Variants in BMP8B observed in about 807,000 individuals in gnomAD.
BMP8B encodes bone morphogenetic protein 8 (osteogenic protein 2).
Under a neutral mutation model 30.3 loss-of-function variants are expected in BMP8B, and 17 were observed. That is an observed-to-expected ratio of 0.56 (90% CI 0.38 to 0.84). BMP8B has a LOEUF of 0.84. Ranked by LOEUF, BMP8B falls within the 40% of genes least tolerant of loss-of-function variation. BMP8B has a pLI of 0.00. For synonymous variants in BMP8B, 131 were observed against 214.7 expected (o/e 0.61, Z 3.41); for missense variants, 253 against 494.6 (o/e 0.51, Z 4.63).
At chr1:39,766,908 ACT>A in intron 3 of BMP8B, among the ~76,000 whole-genome samples, 1 of 151,962 alleles carries the variant, frequency 6.6e-6, no homozygotes, top group East Asian at 1.9e-4. Context: ...CTGGAGTGTC[ACT>A]CTGCAGACTG....
rs561790 is a variant in BMP8B, at chr1:39,769,414, A to G, written c.674-4597T>C. Reference sequence around the variant, plus strand: ...TTGAATCAAATCTTGCTGTGAATGCACTGAGCTGTGCACGCTCTGTGTAAA... The same window carrying G: ...TTGAATCAAATCTTGCTGTGAATGCGCTGAGCTGTGCACGCTCTGTGTAAA... On this transcript the variant is annotated intron_variant, in intron 3 of 6. Transcript: ENST00000372827. 5.8e-3 allele frequency: 1,835 copies of G among 316,102 alleles called. 21 individuals are homozygous for G. The highest frequency in any genetic ancestry group is 0.036 in the East Asian group (567 of 15,880). 19.6% of individuals were successfully genotyped at this position (316,102 alleles called of 1,614,324 possible). A position where few individuals can be genotyped will look rare whatever the true frequency, so the allele number is the denominator to read the frequency against.
chr1:39,775,174 G>A (rs1233929594), intron 1 of BMP8B, 136 bp from the exon 2 acceptor site: 10 of 1,319,090 alleles, frequency 7.6e-6, no homozygotes, highest in Admixed American at 2.2e-5. Context: ...GGTGGGGCCG[G>A]CTTCATTTAG....
At chr1:39,771,231 AC>A in intron 3 of BMP8B, 1 of 1,527,220 alleles carries the variant, frequency 6.5e-7, no homozygotes, top group African/African-American at 1.4e-5. Flanking sequence ...CCGAGCACTG[AC>A]GCCAGGAGCC....
intron 1 of BMP8B, among the ~76,000 whole-genome samples, chr1:39,781,882 C>T (rs559720593): frequency 4.5e-4 from 68 of 152,292 alleles, no homozygotes; most frequent in African/African-American, 1.4e-3. Flanking sequence ...AAGGGTAGGG[C>T]GTGGTGGCTC....
chr1:39,779,959 C>T (rs147045902), intron 1 of BMP8B, among the ~76,000 whole-genome samples: 8 of 152,344 alleles, frequency 5.3e-5, no homozygotes, highest in Admixed American at 2.0e-4. Flanking sequence ...GCTAGGGCTG[C>T]AGTCTCTGAA....
At chr1:39,776,613 G>A (rs1650251317) in intron 1 of BMP8B, among the ~76,000 whole-genome samples, 2 of 152,210 alleles carry the variant, frequency 1.3e-5, no homozygotes, top group Admixed American at 6.5e-5. Context: ...GTGTGGGCAG[G>A]AGGAGGTGGC....
rs1364488217 is a variant in BMP8B at position 39,788,661 on chromosome 1, C to T, written c.-176G>A. 4.3e-5 allele frequency: 19 copies of T among 446,418 alleles called. No homozygotes were observed. The highest frequency in any genetic ancestry group is 5.3e-5 in the Non-Finnish European group (18 of 338,064). The allele number at this position is 446,418 out of a possible 1,614,324, so 27.7% of individuals were successfully genotyped here. A position where few individuals can be genotyped will look rare whatever the true frequency, so the allele number is the denominator to read the frequency against. On this transcript the variant is annotated 5_prime_UTR_variant, in exon 1 of 7. Transcript: ENST00000372827. The surrounding 1 kb of genome is among the most constrained non-coding windows in gnomAD (Gnocchi z 5.8). ...TCAGCGCGGTCCCTGGAGCGCCCGC[C>T]GCGCGACACCTGTCCTGGCTCCTGG...
chr1:39,761,230 G>C (rs558011871), intron 6 of BMP8B: 1 of 152,560 alleles, frequency 6.6e-6, no homozygotes, highest in African/African-American at 2.4e-5. Flanking sequence ...AGTTCCTCCC[G>C]CCCTGACATC....
At chr1:39,766,828 A>C (rs1649645145) in intron 3 of BMP8B, among the ~76,000 whole-genome samples, 1 of 151,314 alleles carries the variant, frequency 6.6e-6, no homozygotes, top group Non-Finnish European at 1.5e-5. Context: ...AGAGGAAAAG[A>C]CAAGTGAGGT....
At chr1:39,769,378 G>A (rs1649792519) in intron 3 of BMP8B, 1 of 245,040 alleles carries the variant, frequency 4.1e-6, no homozygotes, top group African/African-American at 2.3e-5. Context: ...GTTCAAGTAC[G>A]AGGGAGGCGC....
chr1:39,788,312 G>A lies in BMP8B; in HGVS notation c.174C>T (p.Pro58=). Residue 58 remains proline (P), a synonymous_variant, in exon 1 of 7, where the codon CCC becomes CCT. Coordinates refer to ENST00000372827, the MANE Select transcript of BMP8B (RefSeq NM_001720.5). The surrounding 1 kb of genome is among the most constrained non-coding windows in gnomAD (Gnocchi z 5.8). ...ILAVLGLPGR[P]RPRAPPAASR... is the part of the protein sequence containing the mutation. ...AGGCGGCGGGTGGCGCGCGGGGCCG[G>A]GGCCGCCCAGGCAGCCCGAGCACCG... 7 of 1,246,702 alleles carry A rather than the reference G, an allele frequency of 5.6e-6. No homozygotes were observed. Among genetic ancestry groups the A allele is most frequent in the Non-Finnish European group, 6.0e-6 (6 of 1,000,894 alleles). The allele number at this position is 1,246,702 out of a possible 1,614,324, so 77.2% of individuals were successfully genotyped here.
Position 39,788,014 on chromosome 1 carries a change from G to A in BMP8B, c.334+138C>T, listed in dbSNP as rs1274280275. The A allele has an allele frequency of 7.6e-7, 1 of 1,315,710 alleles. No individual in the cohort carries two copies. Among genetic ancestry groups the A allele is most frequent in the Non-Finnish European group, 9.7e-7 (1 of 1,026,802 alleles). 81.5% of individuals were successfully genotyped at this position (1,315,710 alleles called of 1,614,324 possible). ...GACCCTTAGACCTTCCCTAACCACG[G>A]CGGTCCCACTCCCCTGTGGTTCGCG... On this transcript the variant is annotated intron_variant, in intron 1 of 6. Transcript: ENST00000372827. The surrounding 1 kb of genome is among the most constrained non-coding windows in gnomAD (Gnocchi z 5.8).
chr1:39,775,619 C>A (rs1360270970), intron 1 of BMP8B, among the ~76,000 whole-genome samples: 1 of 152,164 alleles, frequency 6.6e-6, no homozygotes, highest in African/African-American at 2.4e-5. Context: ...GTCAGGGAGA[C>A]GGGCCCTGCA....
intron 3 of BMP8B, among the ~76,000 whole-genome samples, chr1:39,766,024 AGT>A (rs1256335121): frequency 2.0e-5 from 3 of 151,706 alleles, no homozygotes; most frequent in African/African-American, 4.9e-5. Flanking sequence ...ACAGAATGAG[AGT>A]GTGTTTCAAG....
rs963127807 is a variant in BMP8B, at chr1:39,757,908, T to C, written c.*2511A>G. Reference sequence around the variant, plus strand: ...ATGATAAAAGTTGCTGAAAGTCTGATGGCCAACTAGGTAGACAAAGCCTTA... The same window carrying C: ...ATGATAAAAGTTGCTGAAAGTCTGACGGCCAACTAGGTAGACAAAGCCTTA... On this transcript the variant is annotated 3_prime_UTR_variant, in exon 7 of 7. Coordinates refer to ENST00000372827, the MANE Select transcript of BMP8B (RefSeq NM_001720.5). 1 of 152,260 alleles carries C rather than the reference T, an allele frequency of 6.6e-6. No homozygotes were observed. Among genetic ancestry groups the C allele is most frequent in the African/African-American group, 2.4e-5 (1 of 41,458 alleles). 9.4% of individuals were successfully genotyped at this position (152,260 alleles called of 1,614,324 possible).
At chr1:39,784,116 C>G (rs1316793994) in intron 1 of BMP8B, among the ~76,000 whole-genome samples, 1 of 152,170 alleles carries the variant, frequency 6.6e-6, no homozygotes, top group Non-Finnish European at 1.5e-5. Context: ...AACCACCTAT[C>G]TGCTCTGAGC....
intron 3 of BMP8B, chr1:39,770,411 A>T: frequency 6.2e-7 from 1 of 1,607,060 alleles, no homozygotes; most frequent in Non-Finnish European, 8.5e-7. Context: ...CAGGATCGTT[A>T]AGCGCTCAAT....
Position 39,758,633 on chromosome 1 carries a change from C to G in BMP8B, c.*1786G>C, listed in dbSNP as rs940274228. The G allele has an allele frequency of 2.6e-5, 4 of 152,258 alleles. No individual in the cohort carries two copies. The highest frequency in any genetic ancestry group is 9.7e-5 in the African/African-American group (4 of 41,448). 9.4% of individuals were successfully genotyped at this position (152,258 alleles called of 1,614,324 possible). A position where few individuals can be genotyped will look rare whatever the true frequency, so the allele number is the denominator to read the frequency against. On this transcript the variant is annotated 3_prime_UTR_variant, in exon 7 of 7. Coordinates refer to ENST00000372827, the MANE Select transcript of BMP8B (RefSeq NM_001720.5). The stretch of plus-strand genomic sequence containing the variant: ...ACTATGAGGAGTTGGTAGACAGATT[C>G]TTTGGCTGAAGGTTGTTTGGAGATC...
At chr1:39,777,872 C>T (rs1312398833) in intron 1 of BMP8B, among the ~76,000 whole-genome samples, 2 of 152,208 alleles carry the variant, frequency 1.3e-5, no homozygotes, top group African/African-American at 4.8e-5. Context: ...CGCAGAGTCC[C>T]TCCTGGAAGC....
Sources: gnomAD v4.1 joint callset for allele counts (sites outside exome capture counted in the v4.1 genomes callset) on GRCh38, gnomAD v4.1.1 for gene constraint, Gnocchi (gnomAD v3.1) non-coding constraint, MANE v1.5 for transcripts, NCBI Gene and HGNC (gene_info 2026-07-23, HGNC 2026-07-21) for gene names.